NEDD4L: variants seen among roughly 807,000 people sequenced by gnomAD.
The protein encoded by NEDD4L is NEDD4 like E3 ubiquitin protein ligase.
NEDD4L carries 54 observed loss-of-function variants against 148.9 expected under a neutral mutation model. The observed-to-expected ratio is 0.36, with a 90% CI of 0.29 to 0.45. The LOEUF (loss-of-function observed/expected upper bound fraction) is 0.45. NEDD4L is among the 20% of genes least tolerant of loss of function. The pLI is 1.00. For synonymous variants in NEDD4L, 433 were observed against 440.7 expected, an observed-to-expected ratio of 0.98 and a Z score of 0.22; for missense variants, 856 against 1,233.8, an observed-to-expected ratio of 0.69 and a Z score of 4.59.
rs557391345 is a variant in NEDD4L, at chr18:58,388,870, G to A, written c.2548-215G>A. 268 of 575,842 alleles carry A rather than the reference G, an allele frequency of 4.7e-4. 3 individuals carry two copies. The South Asian group carries it at 5.2e-3, about 11-fold the overall frequency. 35.7% of individuals were successfully genotyped at this position (575,842 alleles called of 1,614,324 possible). A position where few individuals can be genotyped will look rare whatever the true frequency, so the allele number is the denominator to read the frequency against. On this transcript the variant is annotated intron_variant, in intron 27 of 30. Coordinates refer to ENST00000400345, the MANE Select transcript of NEDD4L (RefSeq NM_001144967.3). Reference sequence around the variant, plus strand: ...ATACGACATGCCGTGGCTTGCGCAAGGTTCGAATTGAGCTGCCCTCGTGAC... The same window carrying A: ...ATACGACATGCCGTGGCTTGCGCAAAGTTCGAATTGAGCTGCCCTCGTGAC...
At chr18:58,118,268 G>A (rs1839255187) in intron 1 of NEDD4L, among the ~76,000 whole-genome samples, 2 of 152,248 alleles carry the variant, frequency 1.3e-5, no homozygotes, top group South Asian at 2.1e-4. Context: ...CTGGTAAGGC[G>A]CTGCTTGCGC....
chr18:58,350,952 G>A (rs1357644521), intron 17 of NEDD4L, 39 bp from the exon 18 acceptor site: 2 of 1,513,614 alleles, frequency 1.3e-6, no homozygotes, highest in Non-Finnish European at 1.8e-6. Flanking sequence ...CCTAGCTAAT[G>A]TTTATATTTT....
chr18:58,058,980 T>A (rs2082208289), intron 1 of NEDD4L, among the ~76,000 whole-genome samples: 1 of 152,264 alleles, frequency 6.6e-6, no homozygotes, highest in Admixed American at 6.5e-5. Context: ...CAAGTGATGA[T>A]CTCAGGTTAG....
At chr18:58,058,956 C>T (rs1046498690) in intron 1 of NEDD4L, among the ~76,000 whole-genome samples, 1 of 152,234 alleles carries the variant, frequency 6.6e-6, no homozygotes, top group African/African-American at 2.4e-5. Context: ...GACCCCTTGA[C>T]CGTTTACTCC....
At position 58,370,328 on chromosome 18, in the gene NEDD4L, T is replaced by C. The variant is rs2046688337; in HGVS notation, c.2186-69T>C. ...TTTACATTGAAAGCAGGTTAATCTT[T>C]TCTTTCATGCTCTGATACATAGCAG... On this transcript the variant is annotated intron_variant, in intron 22 of 30. Coordinates refer to ENST00000400345, the MANE Select transcript of NEDD4L (RefSeq NM_001144967.3). 7 of 955,774 alleles carry C rather than the reference T, an allele frequency of 7.3e-6. No homozygotes were observed. In the Middle Eastern group the frequency reaches 6.2e-4, roughly 85 times the overall value. The allele number at this position is 955,774 out of a possible 1,614,324, so 59.2% of individuals were successfully genotyped here.
intron 20 of NEDD4L, among the ~76,000 whole-genome samples, chr18:58,364,743 C>T (rs1041061041): frequency 9.2e-5 from 14 of 152,132 alleles, no homozygotes; most frequent in Non-Finnish European, 1.9e-4. Flanking sequence ...AGCTTAGTTT[C>T]AACTACAGTA....
intron 1 of NEDD4L, among the ~76,000 whole-genome samples, chr18:58,062,987 CAAA>C (rs74183234): frequency 2.1e-5 from 2 of 94,006 alleles, no homozygotes; most frequent in Non-Finnish European, 3.8e-5. Context: ...AACTCCATCT[CAAA>C]AAAAAAAAAA....
intron 1 of NEDD4L, among the ~76,000 whole-genome samples, chr18:58,102,229 C>T (rs556524503): frequency 6.6e-6 from 1 of 152,154 alleles, no homozygotes; most frequent in South Asian, 2.1e-4. Flanking sequence ...AGTAATGGTA[C>T]AGAGGGGTGG....
At chr18:58,319,265 C>T (rs1263466064) in intron 6 of NEDD4L, among the ~76,000 whole-genome samples, 1 of 152,196 alleles carries the variant, frequency 6.6e-6, no homozygotes, top group Non-Finnish European at 1.5e-5. Flanking sequence ...GGATCTGACC[C>T]TGGCTCTCCA....
At chr18:58,360,599 A>C (rs763800830) in intron 19 of NEDD4L, among the ~76,000 whole-genome samples, 1 of 151,822 alleles carries the variant, frequency 6.6e-6, no homozygotes, top group African/African-American at 2.4e-5. Context: ...TGATGCTTTC[A>C]TCTGCTTATT....
chr18:58,278,251 G>T (rs2052456992), intron 5 of NEDD4L, among the ~76,000 whole-genome samples: 1 of 152,188 alleles, frequency 6.6e-6, no homozygotes, highest in Non-Finnish European at 1.5e-5. Flanking sequence ...CTGTTCTGGA[G>T]TTGGGGTCTG....
chr18:58,248,876 C>T lies in NEDD4L; in HGVS notation c.205-23C>T, dbSNP rs956748809. Reference sequence around the variant, plus strand: ...CTAATGTTTGAAAGACTAAAAGATACTACAAGATAATTTCTCTTCCAGACA... The same window carrying T: ...CTAATGTTTGAAAGACTAAAAGATATTACAAGATAATTTCTCTTCCAGACA... On this transcript the variant is annotated intron_variant, in intron 3 of 30. Transcript: ENST00000400345. 7.4e-6 allele frequency: 10 copies of T among 1,350,612 alleles called. No homozygotes were observed. The African/African-American group carries it at 1.4e-4, about 20-fold the overall frequency. 83.7% of individuals were successfully genotyped at this position (1,350,612 alleles called of 1,614,324 possible).
intron 5 of NEDD4L, among the ~76,000 whole-genome samples, chr18:58,295,016 C>G (rs1269148569): frequency 2.6e-5 from 4 of 152,072 alleles, no homozygotes; most frequent in Non-Finnish European, 5.9e-5. Flanking sequence ...ACAGAAATTT[C>G]CCATGTATTT....
intron 5 of NEDD4L, among the ~76,000 whole-genome samples, chr18:58,252,854 A>G (rs1434858133): frequency 2.0e-5 from 3 of 152,158 alleles, no homozygotes; most frequent in South Asian, 4.1e-4. Flanking sequence ...GACTACAGGC[A>G]TGAGCCACCA....
chr18:58,068,907 C>A (rs920441202), intron 1 of NEDD4L, among the ~76,000 whole-genome samples: 8 of 152,102 alleles, frequency 5.3e-5, no homozygotes, highest in Non-Finnish European at 8.8e-5. Flanking sequence ...GAGGCTGAGG[C>A]AGGCAGATCA....
intron 28 of NEDD4L, among the ~76,000 whole-genome samples, chr18:58,389,860 G>T (rs942954547): frequency 8.6e-5 from 13 of 151,282 alleles, no homozygotes; most frequent in Non-Finnish European, 4.4e-5. Flanking sequence ...TTAAAGATGG[G>T]GTCTCACTGT....
chr18:58,079,324 G>A (rs572194800), intron 1 of NEDD4L, among the ~76,000 whole-genome samples: 8 of 152,156 alleles, frequency 5.3e-5, no homozygotes, highest in Non-Finnish European at 1.2e-4. Flanking sequence ...CTGGAAAAAG[G>A]CTTCTGGGAA....
At chr18:58,279,132 C>T (rs1428879492) in intron 5 of NEDD4L, among the ~76,000 whole-genome samples, 1 of 152,132 alleles carries the variant, frequency 6.6e-6, no homozygotes, top group Non-Finnish European at 1.5e-5. Flanking sequence ...CCACCTTGGC[C>T]TCCCAAAGTG....
intron 2 of NEDD4L, among the ~76,000 whole-genome samples, chr18:58,184,214 GGTGTCTGGCTTTA>G (rs2039191272): frequency 6.6e-6 from 1 of 152,128 alleles, no homozygotes; most frequent in Non-Finnish European, 1.5e-5. Context: ...TCCTGGTAGG[GGTGTCTGGCTTTA>G]GTGTCACCAT....
Sources: gnomAD v4.1 joint callset for allele counts (sites outside exome capture counted in the v4.1 genomes callset) on GRCh38, gnomAD v4.1.1 for gene constraint, MANE v1.5 for transcripts, NCBI Gene and HGNC (gene_info 2026-07-23, HGNC 2026-07-21) for gene names.